The following RBL1 variants were observed in gnomAD, a reference collection of about 807,000 sequenced individuals.
RBL1 encodes the protein retinoblastoma-like protein 1.
A neutral mutation model predicts 123.0 loss-of-function variants in RBL1; 82 were observed. The ratio of observed to expected loss-of-function variants is 0.67; its 90% CI spans 0.56 to 0.80. RBL1 has a LOEUF of 0.80. RBL1 is among the 30% of genes least tolerant of loss of function. The probability of loss-of-function intolerance (pLI) is 0.00; values close to 1 mark genes in which losing one functional copy is unlikely to be tolerated. For synonymous variants in RBL1, 405 were observed against 441.3 expected, an observed-to-expected ratio of 0.92 and a Z score of 1.03; for missense variants, 1,171 against 1,299.6, an observed-to-expected ratio of 0.90 and a Z score of 1.52.
At chr20:37,011,536 G>A (rs1180836547) in intron 19 of RBL1, among the ~76,000 whole-genome samples, 1 of 149,828 alleles carries the variant, frequency 6.7e-6, no homozygotes, top group African/African-American at 2.5e-5. Context: ...CAGGGTTCAA[G>A]CAATTCTCTT....
At chr20:37,004,342 A>C (rs905484119) in intron 20 of RBL1, among the ~76,000 whole-genome samples, 8 of 150,296 alleles carry the variant, frequency 5.3e-5, no homozygotes, top group African/African-American at 1.9e-4. Context: ...TTGGCCTCCC[A>C]AAGTGCTGGG....
chr20:37,069,867 G>A (rs1215191548), intron 2 of RBL1, among the ~76,000 whole-genome samples: 21 of 150,074 alleles, frequency 1.4e-4, no homozygotes, highest in African/African-American at 4.4e-4. Context: ...CCCCCCGCCC[G>A]GCCAGCCGCC....
At chr20:37,016,286 C>T (rs952300466) in intron 19 of RBL1, among the ~76,000 whole-genome samples, 1 of 152,076 alleles carries the variant, frequency 6.6e-6, no homozygotes, top group Non-Finnish European at 1.5e-5. Flanking sequence ...CCTTGGCCTC[C>T]CAAAGTGCTG....
intron 11 of RBL1, among the ~76,000 whole-genome samples, chr20:37,050,309 C>G (rs575328566): frequency 2.6e-5 from 4 of 151,526 alleles, no homozygotes; most frequent in Non-Finnish European, 5.9e-5. Flanking sequence ...TTTGGGAGGC[C>G]GAGACGGGCA....
Position 37,042,319 on chromosome 20 carries a change from G to A in RBL1, c.1770+1767C>T, listed in dbSNP as rs192657356. 1.4e-3 allele frequency among the ~76,000 whole-genome samples: 218 copies of A among 152,204 alleles called. 2 individuals carry two copies. The highest frequency in any genetic ancestry group is 5.0e-3 in the African/African-American group (207 of 41,550). On this transcript the variant is annotated intron_variant, in intron 13 of 21. Coordinates refer to ENST00000373664, the MANE Select transcript of RBL1 (RefSeq NM_002895.5). Reference sequence around the variant, plus strand: ...GATCATCATTAGCCACCAGGGAAATGCAAATAAAACCACAATGAGATATTA... The same window carrying A: ...GATCATCATTAGCCACCAGGGAAATACAAATAAAACCACAATGAGATATTA...
intron 11 of RBL1, among the ~76,000 whole-genome samples, chr20:37,047,808 C>T (rs942168193): frequency 5.3e-5 from 8 of 151,864 alleles, no homozygotes; most frequent in African/African-American, 1.7e-4. Flanking sequence ...GGTGAAACCC[C>T]GTCTCTACTA....
intron 9 of RBL1, among the ~76,000 whole-genome samples, chr20:37,059,948 G>A (rs909957100): frequency 1.3e-5 from 2 of 151,972 alleles, no homozygotes; most frequent in Non-Finnish European, 1.5e-5. Flanking sequence ...CGAGGCAGGC[G>A]AATCATCTGA....
intron 2 of RBL1, among the ~76,000 whole-genome samples, chr20:37,068,896 T>G (rs1023500995): frequency 6.6e-6 from 1 of 152,244 alleles, no homozygotes; most frequent in Non-Finnish European, 1.5e-5. Flanking sequence ...CCTCTCATGC[T>G]GAGCCGAAGC....
At chr20:37,067,845 A>G (rs1437038666) in intron 3 of RBL1, 141 bp downstream of exon 3, 4 of 897,146 alleles carry the variant, frequency 4.5e-6, no homozygotes, top group Non-Finnish European at 6.5e-6. Flanking sequence ...CCAAATATGG[A>G]TAATTGTACA....
At chr20:37,010,846 T>C (rs972390898) in intron 19 of RBL1, among the ~76,000 whole-genome samples, 1 of 152,142 alleles carries the variant, frequency 6.6e-6, no homozygotes, top group African/African-American at 2.4e-5. Context: ...GACAAGATCT[T>C]GCTCTATCAC....
At chr20:37,054,579 T>C (rs1360617197) in intron 11 of RBL1, among the ~76,000 whole-genome samples, 2 of 152,020 alleles carry the variant, frequency 1.3e-5, no homozygotes, top group East Asian at 3.9e-4. Context: ...GCTGTAATCC[T>C]AGCACTTTGT....
chr20:36,998,707 A>C lies in RBL1; in HGVS notation c.*52T>G. 6.6e-7 allele frequency: 1 copy of C among 1,511,428 alleles called. No homozygotes were observed. The highest frequency in any genetic ancestry group is 9.0e-7 in the Non-Finnish European group (1 of 1,111,056). 93.6% of individuals were successfully genotyped at this position (1,511,428 alleles called of 1,614,324 possible). On this transcript the variant is annotated 3_prime_UTR_variant, in exon 22 of 22. Transcript: ENST00000373664. The stretch of plus-strand genomic sequence containing the variant: ...AAAAGGTTTGAAGGACAGAGCTCCA[A>C]CTTTCTGCAGAACAATCTGAAAGTG...
At chr20:37,018,213 C>T (rs2064287512) in intron 19 of RBL1, 66 bp downstream of exon 19, 6 of 1,415,612 alleles carry the variant, frequency 4.2e-6, no homozygotes, top group South Asian at 1.7e-5. Flanking sequence ...TGTCTGACAC[C>T]CACTGTATTA....
intron 15 of RBL1, 96 bp from the exon 16 acceptor site, chr20:37,032,972 T>C: frequency 6.7e-7 from 1 of 1,483,010 alleles, no homozygotes; most frequent in South Asian, 1.4e-5. Context: ...TATATCTGTG[T>C]GTATAAGAAG....
At chr20:37,058,917 A>G (rs549551632) in intron 9 of RBL1, among the ~76,000 whole-genome samples, 1 of 152,222 alleles carries the variant, frequency 6.6e-6, no homozygotes, top group East Asian at 1.9e-4. Context: ...TTTTTTCTGT[A>G]GAGACAGGGT....
chr20:37,078,884 G>C (rs572854205), intron 2 of RBL1, among the ~76,000 whole-genome samples: 3 of 151,114 alleles, frequency 2.0e-5, no homozygotes, highest in East Asian at 4.0e-4. Flanking sequence ...CTTTTTTTGG[G>C]GGGCGGGCAG....
At chr20:37,045,544 G>T (rs1201054747) in intron 12 of RBL1, among the ~76,000 whole-genome samples, 1 of 152,022 alleles carries the variant, frequency 6.6e-6, no homozygotes, top group Non-Finnish European at 1.5e-5. Flanking sequence ...CTTGAGACCA[G>T]GAGTTCGAGA....
At chr20:37,065,602 T>C (rs1175225542) in intron 6 of RBL1, 129 bp from the exon 7 acceptor site, 4 of 607,338 alleles carry the variant, frequency 6.6e-6, no homozygotes, top group Non-Finnish European at 1.1e-5. Flanking sequence ...AATATTTCTT[T>C]CAGACTAGGA....
chr20:37,003,240 T>A (rs1234319368), intron 21 of RBL1, among the ~76,000 whole-genome samples: 1 of 152,212 alleles, frequency 6.6e-6, no homozygotes, highest in Non-Finnish European at 1.5e-5. Flanking sequence ...ACAGCAATCA[T>A]GTCCATACCA....
Sources: gnomAD v4.1 joint callset for allele counts (sites outside exome capture counted in the v4.1 genomes callset) on GRCh38, gnomAD v4.1.1 for gene constraint, MANE v1.5 for transcripts, NCBI Gene and HGNC (gene_info 2026-07-23, HGNC 2026-07-21) for gene names.